ANK1: variants seen among roughly 807,000 people sequenced by gnomAD.
The protein encoded by ANK1 is ankyrin 1.
A neutral mutation model predicts 210.4 loss-of-function variants in ANK1; 51 were observed. The ratio of observed to expected loss-of-function variants is 0.24; its 90% CI spans 0.19 to 0.31. The LOEUF is 0.31. Ranked by LOEUF, ANK1 falls within the 10% of genes least tolerant of loss-of-function variation. The pLI is 1.00. For synonymous variants in ANK1, 967 were observed against 1,025.9 expected, an observed-to-expected ratio of 0.94 and a Z score of 1.10; for missense variants, 2,051 against 2,504.4, an observed-to-expected ratio of 0.82 and a Z score of 3.86.
chr8:41,714,981 C>T lies in ANK1; in HGVS notation c.1696G>A (p.Gly566Arg), dbSNP rs751802569. 1.9e-5 allele frequency: 30 copies of T among 1,613,992 alleles called. No individual in the cohort carries two copies. The highest frequency in any genetic ancestry group is 3.3e-4 in the Middle Eastern group (2 of 6,082). ...LERDAHPNAAGKNGLTPLHVA... is the reference protein window; with the variant it reads ...LERDAHPNAARKNGLTPLHVA... The stretch of plus-strand genomic sequence containing the variant: ...AGGGCAGGGTTCAAACTCACTTTTC[C>T]GGCAGCATTCGGGTGTGCGTCCCGC... Residue 566 changes from glycine (G) to arginine (R), a missense_variant, in exon 15 of 43, where the codon GGA (glycine) becomes AGA (arginine). By Grantham distance (125) the Gly-to-Arg change is moderately radical. Coordinates refer to ENST00000289734, the MANE Select transcript of ANK1 (RefSeq NM_000037.4).
At position 41,850,247 on chromosome 8, in the gene ANK1, G is replaced by A. The variant is rs61273184; in HGVS notation, c.126+46108C>T. 7.0e-3 allele frequency among the ~76,000 whole-genome samples: 1,067 copies of A among 152,206 alleles called. 21 individuals are homozygous for A. Among genetic ancestry groups the A allele is most frequent in the African/African-American group, 0.024 (992 of 41,514 alleles). Reference sequence around the variant, plus strand: ...GTTTAGCCCATGGGCTAAAAGTTCCGCCTGAATGCCTAATAACTGTTGAAA... The same window carrying A: ...GTTTAGCCCATGGGCTAAAAGTTCCACCTGAATGCCTAATAACTGTTGAAA... On this transcript the variant is annotated intron_variant, in intron 1 of 42. Coordinates refer to the ANK1 transcript ENST00000265709.
At position 41,741,870 on chromosome 8, in the gene ANK1, A is replaced by G. The variant is rs536567485; in HGVS notation, c.130-7801T>C. 9.8e-5 allele frequency among the ~76,000 whole-genome samples: 15 copies of G among 152,292 alleles called. No individual in the cohort carries two copies. In the South Asian group the frequency reaches 1.0e-3, roughly 11 times the overall value. ...TGAGCCCTTAAGGCCAGCTGTCCCCATATGATCTCTTTCCACATGGTCCTA... is the reference window on the plus strand; with the variant it reads ...TGAGCCCTTAAGGCCAGCTGTCCCCGTATGATCTCTTTCCACATGGTCCTA... On this transcript the variant is annotated intron_variant, in intron 2 of 42. Coordinates refer to ENST00000289734, the MANE Select transcript of ANK1 (RefSeq NM_000037.4).
intron 1 of ANK1, among the ~76,000 whole-genome samples, chr8:41,881,796 C>A (rs1000870966): frequency 2.6e-5 from 4 of 152,154 alleles, no homozygotes; most frequent in African/African-American, 7.2e-5. Flanking sequence ...CTCCCAAGGT[C>A]CTCACCTGTA....
chr8:41,694,558 A>C lies in ANK1; in HGVS notation c.3327+34T>G, dbSNP rs1563451704. On this transcript the variant is annotated intron_variant, in intron 28 of 42. Coordinates refer to ENST00000289734, the MANE Select transcript of ANK1 (RefSeq NM_000037.4). This position sits in a 1 kb window ranked among gnomAD's most constrained non-coding sequence, Gnocchi z 5.7. The stretch of plus-strand genomic sequence containing the variant: ...TTCCCGGAGGCCTGGAGTTCAGTCC[A>C]CCCCCAGGACCTGGCGGGGAGGAGG... 1 of 1,598,924 alleles carries C rather than the reference A, an allele frequency of 6.3e-7. No individual in the cohort carries two copies. The highest frequency in any genetic ancestry group is 2.2e-5 in the East Asian group (1 of 44,586).
intron 2 of ANK1, among the ~76,000 whole-genome samples, chr8:41,735,283 A>G (rs560565812): frequency 7.2e-5 from 11 of 152,364 alleles, no homozygotes; most frequent in South Asian, 6.2e-4. Context: ...CAAAATATCA[A>G]TTCCAACGGA....
At chr8:41,833,163 CCCATCCCGGG>C (rs1253981546) in intron 1 of ANK1, among the ~76,000 whole-genome samples, 1 of 152,176 alleles carries the variant, frequency 6.6e-6, no homozygotes, top group Non-Finnish European at 1.5e-5. Flanking sequence ...AGGCCCCAGG[CCCATCCCGGG>C]CCTCCCTCCA....
chr8:41,718,118 G>C lies in ANK1; in HGVS notation c.1194C>G (p.Asp398Glu). 1.2e-6 allele frequency: 2 copies of C among 1,613,908 alleles called. No homozygotes were observed. The highest frequency in any genetic ancestry group is 1.7e-6 in the Non-Finnish European group (2 of 1,179,976). Residue 398 changes from aspartate to glutamate, a missense_variant, in exon 11 of 43, where the codon GAC (aspartate) becomes GAG (glutamate). Asp to Glu is a conservative substitution (Grantham distance 45). Coordinates refer to ENST00000289734, the MANE Select transcript of ANK1 (RefSeq NM_000037.4). The stretch of plus-strand genomic sequence containing the variant: ...CAGTCTCTCCTACCTCGGTGACCGC[G>C]TCGATCGAGGCTCCCGTCTTCAGCA... ...ELLLKTGASI[D>E]AVTESGLTPL...
intron 2 of ANK1, among the ~76,000 whole-genome samples, chr8:41,744,770 C>T (rs1835673933): frequency 6.6e-6 from 1 of 152,118 alleles, no homozygotes. Context: ...CTCCTGACCT[C>T]GTGATCTGCC....
intron 1 of ANK1, among the ~76,000 whole-genome samples, chr8:41,841,114 G>T (rs73675149): frequency 6.6e-6 from 1 of 152,104 alleles, no homozygotes; most frequent in African/African-American, 2.4e-5. Context: ...CATTCACTGC[G>T]GCAGTATTCA....
Position 41,672,851 on chromosome 8 carries a change from A to G in ANK1, c.4599T>C (p.Ser1533=), listed in dbSNP as rs767877797. 1.7e-5 allele frequency: 27 copies of G among 1,611,084 alleles called. No individual in the cohort carries two copies. Among genetic ancestry groups the G allele is most frequent in the Non-Finnish European group, 2.3e-5 (27 of 1,179,894 alleles). The change falls in exon 38 of 43, where the codon TCT becomes TCC. Residue 1533 remains serine (S), a synonymous_variant. Transcript: ENST00000289734. The part of the protein sequence containing the change: ...SPASLGCALS[S]PLRADQYWNE... Reference sequence around the variant, plus strand: ...TCCAGTACTGGTCTGCACGTAGCGGAGAGGAAAGTGCACAGCCCAGGGAGG... The same window carrying G: ...TCCAGTACTGGTCTGCACGTAGCGGGGAGGAAAGTGCACAGCCCAGGGAGG...
intron 1 of ANK1, among the ~76,000 whole-genome samples, chr8:41,879,757 G>A (rs932341511): frequency 9.9e-5 from 15 of 152,180 alleles, no homozygotes; most frequent in Non-Finnish European, 2.1e-4. Flanking sequence ...ACACTCCCCT[G>A]GAGTGGGAAT....
At chr8:41,702,169 A>C in intron 20 of ANK1, 25 bp from the exon 21 acceptor site, 1 of 1,597,296 alleles carries the variant, frequency 6.3e-7, no homozygotes, top group Non-Finnish European at 8.6e-7. Flanking sequence ...GCCCGGGTGC[A>C]GTCAGACAGG....
intron 1 of ANK1, among the ~76,000 whole-genome samples, chr8:41,842,845 G>T (rs1032110839): frequency 6.6e-6 from 1 of 152,030 alleles, no homozygotes; most frequent in African/African-American, 2.4e-5. Context: ...TTGGGGGGTT[G>T]TTCATTTGTT....
chr8:41,875,866 C>A (rs935836326), intron 1 of ANK1, among the ~76,000 whole-genome samples: 5 of 152,142 alleles, frequency 3.3e-5, no homozygotes, highest in Admixed American at 6.5e-5. Flanking sequence ...GGGAAGCAGC[C>A]GGCACGAGAA....
chr8:41,714,401 G>T, intron 15 of ANK1, 147 bp from the exon 16 acceptor site: 1 of 605,304 alleles, frequency 1.7e-6, no homozygotes, highest in Non-Finnish European at 2.7e-6. Flanking sequence ...AGTCATGACA[G>T]AATGTCATCG....
intron 1 of ANK1, among the ~76,000 whole-genome samples, chr8:41,821,918 C>T (rs1024688332): frequency 2.6e-5 from 4 of 152,056 alleles, no homozygotes; most frequent in South Asian, 2.1e-4. Flanking sequence ...GGCATGGTGG[C>T]GCACTCCTGT....
At chr8:41,706,900 A>T (rs975809106) in intron 17 of ANK1, among the ~76,000 whole-genome samples, 6 of 152,130 alleles carry the variant, frequency 3.9e-5, no homozygotes, top group Non-Finnish European at 8.8e-5. Context: ...GGAGTTCGAG[A>T]CCAGCCTGGC....
intron 24 of ANK1, among the ~76,000 whole-genome samples, chr8:41,697,214 G>A (rs754293403): frequency 9.9e-5 from 15 of 152,208 alleles, no homozygotes; most frequent in Non-Finnish European, 2.1e-4. Context: ...CCTGCCCTGT[G>A]GACATTTGGA....
intron 1 of ANK1, among the ~76,000 whole-genome samples, chr8:41,867,744 C>T (rs909557854): frequency 6.6e-6 from 1 of 152,222 alleles, no homozygotes; most frequent in African/African-American, 2.4e-5. Context: ...GCTGTCTCCC[C>T]CACTGAAATG....
Sources: gnomAD v4.1 joint callset for allele counts (sites outside exome capture counted in the v4.1 genomes callset) on GRCh38, gnomAD v4.1.1 for gene constraint, Gnocchi (gnomAD v3.1) non-coding constraint, MANE v1.5 for transcripts, NCBI Gene and HGNC (gene_info 2026-07-23, HGNC 2026-07-21) for gene names.